The following DNAI1 variants were observed in gnomAD, a reference collection of about 807,000 sequenced individuals.
The protein encoded by DNAI1 is dynein axonemal intermediate chain 1, also known as dynein, axonemal, intermediate polypeptide 1.
A neutral mutation model predicts 92.0 loss-of-function variants in DNAI1; 67 were observed. The observed-to-expected ratio is 0.73, with a 90% CI of 0.60 to 0.89. The LOEUF (loss-of-function observed/expected upper bound fraction) is 0.89, where lower values mean the gene tolerates loss of function less well. Among genes scored for constraint, DNAI1 ranks in the 40% least tolerant of loss-of-function variants. The probability of loss-of-function intolerance (pLI) is 0.00; values close to 1 mark genes in which losing one functional copy is unlikely to be tolerated. For missense variants in DNAI1, 839 were observed against 866.6 expected (o/e 0.97, Z 0.40); for synonymous variants, 323 against 319.6 (o/e 1.01, Z -0.11).
At chr9:34,481,904 CCCGAGCAGGTTG>C (rs1163649213) in intron 1 of DNAI1, among the ~76,000 whole-genome samples, 1 of 152,204 alleles carries the variant, frequency 6.6e-6, no homozygotes, top group African/African-American at 2.4e-5. Flanking sequence ...TGGAAGGGGA[CCCGAGCAGGTTG>C]CCAATGCTGG....
At chr9:34,509,539 C>T (rs922198924) in intron 13 of DNAI1, among the ~76,000 whole-genome samples, 1 of 152,092 alleles carries the variant, frequency 6.6e-6, no homozygotes, top group Non-Finnish European at 1.5e-5. Context: ...TTTTCACTCC[C>T]TCTACCCCCC....
intron 8 of DNAI1, among the ~76,000 whole-genome samples, chr9:34,491,869 G>T (rs943222389): frequency 6.6e-6 from 1 of 152,152 alleles, no homozygotes; most frequent in Non-Finnish European, 1.5e-5. Flanking sequence ...GGACTCTCTG[G>T]AACCTGTGGC....
chr9:34,494,716 C>T (rs1824681235), intron 9 of DNAI1, among the ~76,000 whole-genome samples: 2 of 152,222 alleles, frequency 1.3e-5, no homozygotes, highest in South Asian at 4.1e-4. Flanking sequence ...CTCTCTCCAT[C>T]ACACTGGACT....
chr9:34,513,279 T>C, intron 16 of DNAI1, 88 bp downstream of exon 16: 1 of 1,042,496 alleles, frequency 9.6e-7, no homozygotes, highest in South Asian at 1.3e-5. Context: ...CCTATTTTGA[T>C]GGATTTTAGT....
chr9:34,506,991 G>A, intron 13 of DNAI1, 117 bp downstream of exon 13: 2 of 1,445,436 alleles, frequency 1.4e-6, no homozygotes, highest in South Asian at 1.2e-5. Context: ...AGGATGGCAG[G>A]TACCATCAGG....
chr9:34,504,341 T>G (rs1315666704), intron 12 of DNAI1, among the ~76,000 whole-genome samples: 1 of 152,252 alleles, frequency 6.6e-6, no homozygotes, highest in East Asian at 1.9e-4. Context: ...AATTAAGCAG[T>G]GTTAATTTCA....
intron 1 of DNAI1, among the ~76,000 whole-genome samples, chr9:34,465,675 A>G (rs78776898): frequency 6.6e-6 from 1 of 152,350 alleles, no homozygotes; most frequent in East Asian, 1.9e-4. Flanking sequence ...CATGCCAGGT[A>G]CTCAAATAAT....
At chr9:34,491,743 A>C (rs780789897) in intron 8 of DNAI1, among the ~76,000 whole-genome samples, 189 bp downstream of exon 8, 3 of 152,156 alleles carry the variant, frequency 2.0e-5, no homozygotes, top group Non-Finnish European at 4.4e-5. Flanking sequence ...GTAGGTCCCT[A>C]TCCAGTGAGC....
Position 34,491,429 on chromosome 9 carries a change from T to C in DNAI1, c.622-66T>C, listed in dbSNP as rs576368981. 153 of 1,565,304 alleles carry C rather than the reference T, an allele frequency of 9.8e-5. 3 individuals carry two copies. The South Asian group carries it at 1.5e-3, about 15-fold the overall frequency. The stretch of plus-strand genomic sequence containing the variant: ...AGCCAAAATGCTTCTCTCAAAGATA[T>C]ACTGTTGGATTAAGTGAGAAGGAGT... On this transcript the variant is annotated intron_variant, in intron 7 of 19. Coordinates refer to ENST00000242317, the MANE Select transcript of DNAI1 (RefSeq NM_012144.4).
intron 13 of DNAI1, among the ~76,000 whole-genome samples, chr9:34,510,710 C>T (rs1195702686): frequency 6.6e-6 from 1 of 152,116 alleles, no homozygotes; most frequent in Non-Finnish European, 1.5e-5. Flanking sequence ...GCGGTGCTGG[C>T]GTCTGCTCAT....
At chr9:34,471,447 C>CAAAAA (rs72230032) in intron 1 of DNAI1, among the ~76,000 whole-genome samples, 1 of 84,000 alleles carries the variant, frequency 1.2e-5, no homozygotes, top group South Asian at 3.8e-4. Context: ...ACCACCACCA[C>CAAAAA]AAAAAAAAAA....
chr9:34,494,167 C>T (rs1050890575), intron 9 of DNAI1, among the ~76,000 whole-genome samples: 4 of 152,068 alleles, frequency 2.6e-5, no homozygotes, highest in Non-Finnish European at 4.4e-5. Context: ...CCCATGGCTG[C>T]TCTCGGGGAA....
chr9:34,486,157 T>G (rs1282412331), intron 4 of DNAI1, among the ~76,000 whole-genome samples: 1 of 152,140 alleles, frequency 6.6e-6, no homozygotes, highest in Non-Finnish European at 1.5e-5. Context: ...AATTTCCGAG[T>G]ACATTTGAGC....
Position 34,506,653 on chromosome 9 carries a change from A to G in DNAI1, c.1090A>G (p.Met364Val), listed in dbSNP as rs376343338. Reference protein sequence around the residue: ...SYDFMKQSRGMLLLYSLKNPS... With the variant: ...SYDFMKQSRGVLLLYSLKNPS... ...TGACTTCATGAAGCAGAGCCGGGGC[A>G]TGCTGCTGCTCTACAGCCTGAAGAA... The change falls in exon 13 of 20, where the codon ATG becomes GTG. Residue 364 changes from methionine to valine, a missense_variant. Physicochemically the swap from Met to Val is conservative, Grantham distance 21. Transcript: ENST00000242317. The G allele has an allele frequency of 1.2e-6, 2 of 1,614,104 alleles. No individual in the cohort carries two copies. The highest frequency in any genetic ancestry group is 1.7e-6 in the Non-Finnish European group (2 of 1,180,054).
intron 19 of DNAI1, among the ~76,000 whole-genome samples, chr9:34,520,406 C>T (rs1825252449): frequency 6.6e-6 from 1 of 152,190 alleles, no homozygotes; most frequent in Non-Finnish European, 1.5e-5. Context: ...CCACAAGCAT[C>T]AAGACCCCAT....
At chr9:34,467,602 C>T (rs1231664134) in intron 1 of DNAI1, among the ~76,000 whole-genome samples, 4 of 152,030 alleles carry the variant, frequency 2.6e-5, no homozygotes, top group African/African-American at 9.7e-5. Context: ...CCACTGCACT[C>T]CAGCATGGGC....
chr9:34,493,413 G>A, intron 9 of DNAI1, 85 bp downstream of exon 9: 1 of 1,581,520 alleles, frequency 6.3e-7, no homozygotes, highest in East Asian at 2.2e-5. Context: ...GGCTGTCTGG[G>A]AGGGGTTCAC....
intron 9 of DNAI1, among the ~76,000 whole-genome samples, chr9:34,496,101 A>G (rs1295682528): frequency 2.6e-5 from 4 of 152,082 alleles, no homozygotes; most frequent in African/African-American, 9.7e-5. Context: ...CACCATCACA[A>G]TGACCTGATG....
At chr9:34,488,055 C>A in intron 4 of DNAI1, 1 of 390,090 alleles carries the variant, frequency 2.6e-6, no homozygotes, top group Non-Finnish European at 5.1e-6. Context: ...GTAATTTATT[C>A]CTTGGGAATC....
Sources: allele counts gnomAD v4.1 joint callset (sites outside exome capture counted in the v4.1 genomes callset), GRCh38; gene constraint gnomAD v4.1.1; transcripts MANE v1.5; gene names NCBI Gene and HGNC (gene_info 2026-07-23, HGNC 2026-07-21).